The following LRTM3 variants were observed in gnomAD, a reference collection of about 807,000 sequenced individuals.
LRTM3 encodes leucine rich repeat transmembrane protein 3, also known as leucine-rich repeat transmembrane protein 3.
chr13:102,740,694 G>A, the LRTM3 span: 3 of 1,547,844 alleles, frequency 1.9e-6, no homozygotes, highest in African/African-American at 4.1e-5. Flanking sequence ...AACTGAAATA[G>A]ATCTGTTTTG....
At chr13:102,745,813 C>G in the LRTM3 span, 1 of 1,551,210 alleles carries the variant, frequency 6.4e-7, no homozygotes, top group African/African-American at 1.4e-5. Context: ...TAACATGACT[C>G]TCTACCTTTT....
chr13:102,747,233 C>T, the LRTM3 span: 9 of 1,550,266 alleles, frequency 5.8e-6, no homozygotes, highest in East Asian at 2.2e-4. Flanking sequence ...ATTTAATCTG[C>T]TATACATTCT....
At chr13:102,748,323 T>C in the LRTM3 span, 1 of 1,551,114 alleles carries the variant, frequency 6.4e-7, no homozygotes, top group Non-Finnish European at 8.7e-7. Context: ...CTTTCTGTAT[T>C]CACTTGAATT....
chr13:102,731,371 C>T, the LRTM3 span: 1 of 1,551,288 alleles, frequency 6.4e-7, no homozygotes, highest in East Asian at 2.4e-5. Flanking sequence ...AAAAGTTGAA[C>T]ATTTGTAAAG....
At chr13:102,737,777 T>G in the LRTM3 span, 1 of 1,551,080 alleles carries the variant, frequency 6.4e-7, no homozygotes, top group Non-Finnish European at 8.7e-7. Flanking sequence ...CTCTGATGAT[T>G]TCTGGTGCCT....
At chr13:102,736,459 A>G in the LRTM3 span, 4 of 1,551,144 alleles carry the variant, frequency 2.6e-6, no homozygotes, top group African/African-American at 2.7e-5. Flanking sequence ...CTTTCTTTAC[A>G]AGGCTCTCTG....
chr13:102,743,018 TG>T, the LRTM3 span: 12 of 1,547,544 alleles, frequency 7.8e-6, no homozygotes, highest in Admixed American at 2.0e-5. Flanking sequence ...TTTGTAAATC[TG>T]ACTTTTTGAG....
chr13:102,730,767 G>A, the LRTM3 span: 1 of 1,551,586 alleles, frequency 6.4e-7, no homozygotes, highest in East Asian at 2.4e-5. Flanking sequence ...AACTTACTAT[G>A]TTTGGGAAGT....
the LRTM3 span, chr13:102,741,752 A>T: frequency 6.4e-7 from 1 of 1,550,410 alleles, no homozygotes; most frequent in Non-Finnish European, 8.7e-7. Flanking sequence ...CTCCCACGGA[A>T]TTGAAACTGA....
chr13:102,736,570 T>C, the LRTM3 span: 1 of 1,551,044 alleles, frequency 6.4e-7, no homozygotes, highest in East Asian at 2.4e-5. Context: ...CCTCTTCTTT[T>C]ATTGAGTCTA....
At chr13:102,733,532 T>C in the LRTM3 span, 1 of 1,551,158 alleles carries the variant, frequency 6.4e-7, no homozygotes, top group Admixed American at 2.0e-5. Context: ...GATTTTATGG[T>C]TTAAGTTATC....
At chr13:102,747,722 G>A in the LRTM3 span, 2 of 1,551,098 alleles carry the variant, frequency 1.3e-6, no homozygotes, top group Non-Finnish European at 1.7e-6. Context: ...TCTGTCTGTA[G>A]GTCTATCTGT....
chr13:102,748,844 T>A, the LRTM3 span: 1 of 1,550,478 alleles, frequency 6.4e-7, no homozygotes, highest in Non-Finnish European at 8.7e-7. Context: ...TGGTGAAATG[T>A]TTTTTAGTCT....
chr13:102,733,318 G>A, the LRTM3 span: 14 of 1,551,222 alleles, frequency 9.0e-6, no homozygotes, highest in Admixed American at 2.0e-5. Context: ...ACATTTTGCT[G>A]ATTCTATCAT....
the LRTM3 span, chr13:102,748,553 A>G: frequency 5.2e-4 from 806 of 1,550,722 alleles, 4 homozygotes; most frequent in African/African-American, 9.8e-3. Context: ...GTCCTCCTGT[A>G]TTTTCATTCT....
the LRTM3 span, chr13:102,729,988 A>T: frequency 6.4e-7 from 1 of 1,551,794 alleles, no homozygotes; most frequent in Non-Finnish European, 8.7e-7. Flanking sequence ...TAGTCCATGA[A>T]ATCTTCTCTT....
the LRTM3 span, among the ~76,000 whole-genome samples, chr13:102,754,205 C>CAAAA: frequency 5.2e-5 from 4 of 77,312 alleles, no homozygotes; most frequent in African/African-American, 1.1e-4. Flanking sequence ...ACTCCATCTC[C>CAAAA]AAAAAAAAAA....
chr13:102,740,455 A>G, the LRTM3 span: 1 of 1,550,124 alleles, frequency 6.5e-7, no homozygotes, highest in Non-Finnish European at 8.7e-7. Context: ...GTTGCAGGAG[A>G]CAGGGATACT....
At chr13:102,739,647 T>C in the LRTM3 span, 1 of 1,550,486 alleles carries the variant, frequency 6.4e-7, no homozygotes, top group Non-Finnish European at 8.7e-7. Flanking sequence ...GATGACTTCC[T>C]TGGCTTCAAA....
Sources: gnomAD v4.1 joint callset for allele counts (sites outside exome capture counted in the v4.1 genomes callset) on GRCh38, gnomAD v4.1.1 for gene constraint, MANE v1.5 for transcripts, NCBI Gene and HGNC (gene_info 2026-07-23, HGNC 2026-07-21) for gene names.